Variants in EXOSC1 observed in about 807,000 individuals in gnomAD.
The protein encoded by EXOSC1 is exosome complex component CSL4.
Under a neutral mutation model 31.4 loss-of-function variants are expected in EXOSC1, and 27 were observed. The observed-to-expected ratio is 0.86, with a 90% CI of 0.63 to 1.18. The LOEUF is 1.18. EXOSC1 is among the 50% of genes most tolerant of loss of function. EXOSC1 has a pLI of 0.00. For synonymous variants in EXOSC1, 84 were observed against 89.5 expected, an observed-to-expected ratio of 0.94 and a Z score of 0.35; for missense variants, 228 against 250.3, an observed-to-expected ratio of 0.91 and a Z score of 0.60.
chr10:97,436,598 C>T, intron 7 of EXOSC1, 47 bp from the exon 8 acceptor site: 1 of 1,524,542 alleles, frequency 6.6e-7, no homozygotes, highest in Non-Finnish European at 8.8e-7. Context: ...AAAGATTTGC[C>T]TGCGACTCCT....
chr10:97,444,009 G>T (rs1845797643), intron 2 of EXOSC1: 1 of 152,098 alleles, frequency 6.6e-6, no homozygotes. Context: ...GGCCAGGCTG[G>T]TCTCGAACTC....
intron 3 of EXOSC1, among the ~76,000 whole-genome samples, chr10:97,441,639 C>T (rs543002665): frequency 1.3e-4 from 19 of 151,594 alleles, no homozygotes; most frequent in Non-Finnish European, 2.7e-4. Flanking sequence ...TACAGGCATG[C>T]ACCACCATGC....
At chr10:97,444,490 G>A (rs1034435999) in intron 2 of EXOSC1, 2 of 152,198 alleles carry the variant, frequency 1.3e-5, no homozygotes, top group African/African-American at 4.8e-5. Flanking sequence ...ACTAGGATGG[G>A]TTTGCCTGTT....
Position 97,437,024 on chromosome 10 carries a change from A to G in EXOSC1, c.481+167T>C, listed in dbSNP as rs1376220012. Among the ~76,000 whole-genome samples the G allele has an allele frequency of 7.2e-5, 11 of 152,044 alleles. No homozygotes were observed. In the East Asian group the frequency reaches 2.1e-3, roughly 29 times the overall value. On this transcript the variant is annotated intron_variant, in intron 7 of 7. Transcript: ENST00000370902. ...AAGTGAGACCCTGTCTCAAACAACC[A>G]CCACCACCAGCACCAAGCAAAAAAG...
chr10:97,442,005 C>T (rs956433422), intron 3 of EXOSC1, among the ~76,000 whole-genome samples: 2 of 151,208 alleles, frequency 1.3e-5, no homozygotes, highest in Admixed American at 6.6e-5. Flanking sequence ...GGTAAAACCC[C>T]ACCTGTACTA....
chr10:97,437,869 C>T, intron 5 of EXOSC1, 119 bp from the exon 6 acceptor site: 1 of 827,912 alleles, frequency 1.2e-6, no homozygotes, highest in Non-Finnish European at 2.0e-6. Flanking sequence ...ATCATCATTA[C>T]TCATGTCAAG....
At chr10:97,436,643 A>C in intron 7 of EXOSC1, 92 bp from the exon 8 acceptor site, 4 of 1,190,696 alleles carry the variant, frequency 3.4e-6, no homozygotes, top group Non-Finnish European at 4.7e-6. Flanking sequence ...AGTGCCACCA[A>C]GCTTCCTACT....
chr10:97,441,127 C>G, intron 4 of EXOSC1, 44 bp downstream of exon 4: 3 of 1,502,210 alleles, frequency 2.0e-6, no homozygotes, highest in Non-Finnish European at 2.8e-6. Flanking sequence ...CTATCCTAAT[C>G]TTATTCCAGT....
intron 7 of EXOSC1, 101 bp from the exon 8 acceptor site, chr10:97,436,652 C>A: frequency 9.2e-7 from 1 of 1,084,906 alleles, no homozygotes; most frequent in East Asian, 2.6e-5. Context: ...AAGCTTCCTA[C>A]TGAACCTCAA....
At chr10:97,445,888 C>T in intron 1 of EXOSC1, 41 bp from the exon 2 acceptor site, 1 of 1,613,884 alleles carries the variant, frequency 6.2e-7, no homozygotes, top group Non-Finnish European at 8.5e-7. Flanking sequence ...CCCCCAGAAG[C>T]TGTAGGCCGT....
chr10:97,437,946 G>A (rs188506751), intron 5 of EXOSC1, among the ~76,000 whole-genome samples, 196 bp from the exon 6 acceptor site: 4 of 151,976 alleles, frequency 2.6e-5, no homozygotes, highest in South Asian at 4.1e-4. Flanking sequence ...TTGAGATGGA[G>A]TCTCGCTCTG....
chr10:97,439,434 T>C (rs1213080150), intron 4 of EXOSC1, among the ~76,000 whole-genome samples: 1 of 152,132 alleles, frequency 6.6e-6, no homozygotes, highest in Non-Finnish European at 1.5e-5. Flanking sequence ...GGGCATTAGA[T>C]TCTCATAGAA....
chr10:97,436,620 G>A, intron 7 of EXOSC1, 69 bp from the exon 8 acceptor site: 2 of 1,438,494 alleles, frequency 1.4e-6, no homozygotes, highest in East Asian at 2.5e-5. Flanking sequence ...TTTTATGCTG[G>A]GTATGAAGCT....
chr10:97,443,567 G>A (rs372303356), intron 2 of EXOSC1, among the ~76,000 whole-genome samples: 1 of 152,186 alleles, frequency 6.6e-6, no homozygotes, highest in African/African-American at 2.4e-5. Context: ...CTGTCGCCTA[G>A]ACTGGAGTGC....
rs533349626 is a variant in EXOSC1 at position 97,439,469 on chromosome 10, C to T, written c.312-766G>A. Among the ~76,000 whole-genome samples the T allele has an allele frequency of 2.6e-5, 4 of 152,270 alleles. No individual in the cohort carries two copies. In the East Asian group the frequency reaches 7.7e-4, roughly 29 times the overall value. On this transcript the variant is annotated intron_variant, in intron 4 of 7. Coordinates refer to ENST00000370902, the MANE Select transcript of EXOSC1 (RefSeq NM_016046.5). Reference sequence around the variant, plus strand: ...AGTATGAACCCTATTGTGAACTGCACATATGAGGGAGCTAGGCTGCCCACT... The same window carrying T: ...AGTATGAACCCTATTGTGAACTGCATATATGAGGGAGCTAGGCTGCCCACT...
At chr10:97,443,201 T>C in intron 3 of EXOSC1, 36 bp downstream of exon 3, 1 of 1,554,904 alleles carries the variant, frequency 6.4e-7, no homozygotes, top group Non-Finnish European at 8.9e-7. Flanking sequence ...CAGTATTGAA[T>C]GGGCATTCTA....
rs746732979 is a variant in EXOSC1, at chr10:97,441,232, T to C, written c.250A>G (p.Lys84Glu). 9 of 1,614,120 alleles carry C rather than the reference T, an allele frequency of 5.6e-6. No homozygotes were observed. The highest frequency in any genetic ancestry group is 1.1e-5 in the South Asian group (1 of 91,080). The change falls in exon 4 of 8, where the codon AAA (lysine) becomes GAA (glutamate). Residue 84 changes from lysine (K) to glutamate (E), a missense_variant. Lys to Glu is a moderately conservative substitution (Grantham distance 56). Coordinates refer to ENST00000370902, the MANE Select transcript of EXOSC1 (RefSeq NM_016046.5). ...GACCCCACATACAGGATGTGTACTT[T>C]GGCAAAGCGTGAATTGATGCTAGAG... ...KVSSINSRFA[K>E]VHILYVGSMP...
intron 6 of EXOSC1, 58 bp from the exon 7 acceptor site, chr10:97,437,333 G>T: frequency 7.3e-7 from 1 of 1,367,908 alleles, no homozygotes; most frequent in Non-Finnish European, 1.0e-6. Flanking sequence ...CCCCACCTTA[G>T]CCACCTGAGT....
chr10:97,443,386 T>C (rs896199171), intron 2 of EXOSC1, 75 bp from the exon 3 acceptor site: 8 of 1,254,088 alleles, frequency 6.4e-6, no homozygotes, highest in Non-Finnish European at 9.2e-6. Context: ...TTGAGAGTAA[T>C]ATAGGAATGT....
Sources: gnomAD v4.1 joint callset for allele counts (sites outside exome capture counted in the v4.1 genomes callset) on GRCh38, gnomAD v4.1.1 for gene constraint, MANE v1.5 for transcripts, NCBI Gene and HGNC (gene_info 2026-07-23, HGNC 2026-07-21) for gene names.